The following PTPRT variants were observed in gnomAD, a reference collection of about 807,000 sequenced individuals.
The protein encoded by PTPRT is receptor-type tyrosine-protein phosphatase T.
A neutral mutation model predicts 176.8 loss-of-function variants in PTPRT; 56 were observed. The observed-to-expected ratio is 0.32, with a 90% CI of 0.26 to 0.40. The LOEUF is 0.40. Among genes scored for constraint, PTPRT ranks in the 10% least tolerant of loss-of-function variants. PTPRT has a pLI of 1.00. For synonymous variants in PTPRT, 783 were observed against 739.0 expected (o/e 1.06, Z -0.96); for missense variants, 1,540 against 1,908.2 (o/e 0.81, Z 3.60).
chr20:42,180,443 A>G lies in PTPRT; in HGVS notation c.2491+18797T>C, dbSNP rs149124208. ...CTCCTGATCCCATTCAGCATGTTCTATTGTTTCAGTGCACCCTCACTTGTT... is the reference window on the plus strand; with the variant it reads ...CTCCTGATCCCATTCAGCATGTTCTGTTGTTTCAGTGCACCCTCACTTGTT... On this transcript the variant is annotated intron_variant, in intron 16 of 30. Transcript: ENST00000373187. Among the ~76,000 whole-genome samples the G allele has an allele frequency of 6.5e-3, 994 of 152,250 alleles. 8 individuals carry two copies. Among genetic ancestry groups the G allele is most frequent in the Non-Finnish European group, 0.011 (777 of 68,002 alleles).
intron 1 of PTPRT, among the ~76,000 whole-genome samples, chr20:43,164,244 G>T (rs1433704246): frequency 3.3e-5 from 5 of 152,166 alleles, no homozygotes; most frequent in African/African-American, 1.2e-4. Context: ...TATAGCAGAG[G>T]ATTCGGCACT....
chr20:42,446,594 G>A (rs1200171721), intron 9 of PTPRT, among the ~76,000 whole-genome samples: 1 of 147,922 alleles, frequency 6.8e-6, no homozygotes, highest in Non-Finnish European at 1.5e-5. Flanking sequence ...GTGTGTGTGT[G>A]TGTGTGTGTG....
chr20:42,805,471 T>A (rs1371121780), intron 2 of PTPRT, among the ~76,000 whole-genome samples: 3 of 152,118 alleles, frequency 2.0e-5, no homozygotes, highest in Non-Finnish European at 4.4e-5. Flanking sequence ...ACAACAAATG[T>A]ATATTGAGTG....
intron 12 of PTPRT, among the ~76,000 whole-genome samples, chr20:42,305,990 G>C (rs1355186424): frequency 6.6e-6 from 1 of 152,148 alleles, no homozygotes; most frequent in Non-Finnish European, 1.5e-5. Flanking sequence ...AACTTTGTTG[G>C]GACTGGAGTC....
intron 1 of PTPRT, among the ~76,000 whole-genome samples, chr20:43,117,333 T>C (rs915715095): frequency 6.6e-6 from 1 of 152,232 alleles, no homozygotes; most frequent in Non-Finnish European, 1.5e-5. Context: ...GAAAGCTGCA[T>C]TTACACACTT....
chr20:43,126,140 T>C (rs756820800), intron 1 of PTPRT, among the ~76,000 whole-genome samples: 1 of 152,056 alleles, frequency 6.6e-6, no homozygotes, highest in Non-Finnish European at 1.5e-5. Flanking sequence ...TCACCTGAAG[T>C]CAGGAGTTTA....
chr20:42,972,307 T>C (rs1426891389), intron 1 of PTPRT, among the ~76,000 whole-genome samples: 1 of 150,958 alleles, frequency 6.6e-6, no homozygotes, highest in African/African-American at 2.4e-5. Flanking sequence ...GAAGAGAAAG[T>C]CAAAGATAAG....
intron 19 of PTPRT, among the ~76,000 whole-genome samples, chr20:42,123,719 C>T (rs1481872728): frequency 6.6e-6 from 1 of 152,202 alleles, no homozygotes; most frequent in Non-Finnish European, 1.5e-5. Context: ...TTCCCCGTGC[C>T]TGCTATGTCT....
At position 42,108,338 on chromosome 20, in the gene PTPRT, C is replaced by G. The variant is rs137866107; in HGVS notation, c.3255-1417G>C. Among the ~76,000 whole-genome samples the G allele has an allele frequency of 2.7e-3, 418 of 152,262 alleles. 2 individuals carry two copies. Among genetic ancestry groups the G allele is most frequent in the African/African-American group, 9.7e-3 (402 of 41,554 alleles). On this transcript the variant is annotated intron_variant, in intron 23 of 30. Transcript: ENST00000373187. ...AAATCCTGGCTCTATTACTTATTAG[C>G]TGCATGACCTCGGGCAAATGACTTA...
intron 6 of PTPRT, among the ~76,000 whole-genome samples, chr20:42,710,273 G>C (rs1054822331): frequency 7.9e-5 from 12 of 152,198 alleles, no homozygotes; most frequent in African/African-American, 2.9e-4. Context: ...GACAATGGGG[G>C]AAAGGCCTTA....
intron 14 of PTPRT, among the ~76,000 whole-genome samples, chr20:42,241,189 G>C (rs899447432): frequency 6.6e-6 from 1 of 152,134 alleles, no homozygotes; most frequent in Non-Finnish European, 1.5e-5. Flanking sequence ...GTATGATAAG[G>C]CAACACATGG....
At chr20:42,823,166 A>G (rs192273886) in intron 2 of PTPRT, among the ~76,000 whole-genome samples, 1 of 152,234 alleles carries the variant, frequency 6.6e-6, no homozygotes, top group African/African-American at 2.4e-5. Context: ...GACCGGATAA[A>G]GAAAATGTGG....
At chr20:42,201,833 G>C (rs1008197539) in intron 15 of PTPRT, among the ~76,000 whole-genome samples, 3 of 151,776 alleles carry the variant, frequency 2.0e-5, no homozygotes, top group Non-Finnish European at 4.4e-5. Flanking sequence ...GTCAGAAGTG[G>C]CAAGTGATCT....
chr20:42,320,473 T>A (rs1333962394), intron 11 of PTPRT, among the ~76,000 whole-genome samples: 1 of 152,184 alleles, frequency 6.6e-6, no homozygotes, highest in African/African-American at 2.4e-5. Context: ...AGGTGACAGA[T>A]GGAGTGTATG....
At chr20:42,388,915 C>G (rs2425482) in intron 9 of PTPRT, among the ~76,000 whole-genome samples, 93,480 of 152,030 alleles carry the variant, frequency 0.61, 29,583 homozygotes, top group African/African-American at 0.77. Context: ...GAAAATGTGG[C>G]ACATAATACA....
chr20:42,801,466 C>G (rs984668031), intron 2 of PTPRT, among the ~76,000 whole-genome samples: 35 of 152,300 alleles, frequency 2.3e-4, no homozygotes, highest in African/African-American at 7.7e-4. Context: ...CCACCAGTCT[C>G]CTTATGAAAT....
intron 7 of PTPRT, among the ~76,000 whole-genome samples, chr20:42,625,287 T>C (rs755920787): frequency 2.6e-5 from 4 of 151,954 alleles, no homozygotes; most frequent in Non-Finnish European, 5.9e-5. Context: ...AAACCAGAGA[T>C]TTAAAAAGAC....
intron 1 of PTPRT, among the ~76,000 whole-genome samples, chr20:43,020,138 G>C (rs1985598832): frequency 6.8e-6 from 1 of 147,826 alleles, no homozygotes; most frequent in Admixed American, 6.8e-5. Flanking sequence ...ACATATGCAT[G>C]TGTGTGTACA....
intron 13 of PTPRT, among the ~76,000 whole-genome samples, chr20:42,262,360 T>C (rs1006343742): frequency 2.0e-5 from 3 of 152,296 alleles, no homozygotes; most frequent in South Asian, 2.1e-4. Flanking sequence ...GTCTTCCCTA[T>C]GACTGCCCAC....
Sources: allele counts gnomAD v4.1 joint callset (sites outside exome capture counted in the v4.1 genomes callset), GRCh38; gene constraint gnomAD v4.1.1; transcripts MANE v1.5; gene names NCBI Gene and HGNC (gene_info 2026-07-23, HGNC 2026-07-21).